GREB1L: variants seen among roughly 807,000 people sequenced by gnomAD.
GREB1L encodes GREB1-like protein.
In GREB1L, 17 loss-of-function variants were observed where a neutral mutation model predicts 200.8. That is an observed-to-expected ratio of 0.08 (90% CI 0.06 to 0.13). The LOEUF is 0.13. Among genes scored for constraint, GREB1L ranks in the 10% least tolerant of loss-of-function variants. The pLI is 1.00. For synonymous variants in GREB1L, 789 were observed against 893.0 expected (o/e 0.88, Z 2.08); for missense variants, 1,657 against 2,367.7 (o/e 0.70, Z 6.23).
chr18:21,492,566 C>G (rs1399973778), intron 19 of GREB1L, among the ~76,000 whole-genome samples: 3 of 152,082 alleles, frequency 2.0e-5, no homozygotes, highest in Non-Finnish European at 2.9e-5. Flanking sequence ...TCAGTCTGTC[C>G]TAAATAATTT....
intron 17 of GREB1L, among the ~76,000 whole-genome samples, chr18:21,481,439 A>ATG (rs34711292): frequency 0.1 from 12,838 of 126,846 alleles, 750 homozygotes; most frequent in Non-Finnish European, 0.14. Context: ...GTATATATGT[A>ATG]TGTGTGTGTG....
At chr18:21,328,005 C>T (rs1432473334) in intron 1 of GREB1L, among the ~76,000 whole-genome samples, 2 of 152,196 alleles carry the variant, frequency 1.3e-5, no homozygotes, top group African/African-American at 2.4e-5. Context: ...TGAGCCACAG[C>T]GCCCGGCCAA....
At chr18:21,507,969 T>C in intron 25 of GREB1L, 149 bp from the exon 26 acceptor site, 2 of 711,462 alleles carry the variant, frequency 2.8e-6, no homozygotes, top group Non-Finnish European at 4.6e-6. Context: ...TTATCAACCT[T>C]TTAGACGTGG....
intron 19 of GREB1L, among the ~76,000 whole-genome samples, chr18:21,493,896 C>T: frequency 4.1e-5 from 1 of 24,358 alleles, no homozygotes; most frequent in Non-Finnish European, 1.2e-4. Context: ...AAAAAAAAGT[C>T]CTCATACAGT....
chr18:21,444,119 G>A (rs1598849972), intron 10 of GREB1L, 105 bp from the exon 11 acceptor site: 1 of 709,110 alleles, frequency 1.4e-6, no homozygotes. Flanking sequence ...TATCTCAGAG[G>A]GCAGGGAATT....
intron 1 of GREB1L, among the ~76,000 whole-genome samples, chr18:21,346,817 T>TTC (rs2039353011): frequency 6.6e-6 from 1 of 152,118 alleles, no homozygotes; most frequent in Non-Finnish European, 1.5e-5. Flanking sequence ...TCCATCCTTG[T>TTC]TCTCTCTCTC....
At chr18:21,421,304 C>T (rs560175565) in intron 7 of GREB1L, among the ~76,000 whole-genome samples, 22 of 152,238 alleles carry the variant, frequency 1.4e-4, no homozygotes, top group Admixed American at 6.5e-4. Context: ...TTAAAATCAA[C>T]AGCATAAGAA....
chr18:21,259,153 A>G lies in GREB1L; in HGVS notation c.-120+16760A>G, dbSNP rs75667658. Among the ~76,000 whole-genome samples, 6 of 152,316 alleles carry G rather than the reference A, an allele frequency of 3.9e-5. No individual in the cohort carries two copies. The East Asian group carries it at 1.2e-3, about 29-fold the overall frequency. ...TATTGCAAACAGACACCATAATTCT[A>G]TCCTAGATTAAGGTTTGTTTAACCT... On this transcript the variant is annotated intron_variant, in intron 1 of 32. Coordinates refer to ENST00000424526, the MANE Select transcript of GREB1L (RefSeq NM_001142966.3).
Position 21,524,377 on chromosome 18 carries a change from A to G in GREB1L, c.*1556A>G, listed in dbSNP as rs756321296. 1 of 152,224 alleles carries G rather than the reference A, an allele frequency of 6.6e-6. No homozygotes were observed. The highest frequency in any genetic ancestry group is 2.4e-5 in the African/African-American group (1 of 41,466). The allele number at this position is 152,224 out of a possible 1,614,324, so 9.4% of individuals were successfully genotyped here. On this transcript the variant is annotated 3_prime_UTR_variant, in exon 33 of 33. Coordinates refer to ENST00000424526, the MANE Select transcript of GREB1L (RefSeq NM_001142966.3). ...AATGCTTTAACTGTATTTTGAAGTG[A>G]ACAATTCCTTTTAACCCCATTTTTA... is the stretch of plus-strand genomic sequence containing the variant.
At chr18:21,402,811 C>G (rs1420202600) in intron 6 of GREB1L, among the ~76,000 whole-genome samples, 2 of 152,124 alleles carry the variant, frequency 1.3e-5, no homozygotes, top group Admixed American at 6.6e-5. Flanking sequence ...GCATGAGCCA[C>G]TATGCCTGGC....
chr18:21,358,735 C>T (rs568944171), intron 1 of GREB1L, among the ~76,000 whole-genome samples: 8 of 152,112 alleles, frequency 5.3e-5, no homozygotes, highest in Non-Finnish European at 8.8e-5. Context: ...CATTGGGTAG[C>T]GTGTACACTG....
chr18:21,437,140 G>A (rs2033600203), intron 7 of GREB1L, among the ~76,000 whole-genome samples: 1 of 152,198 alleles, frequency 6.6e-6, no homozygotes, highest in South Asian at 2.1e-4. Flanking sequence ...TGTTGCCCAA[G>A]CTGGTTTCAA....
At position 21,516,707 on chromosome 18, in the gene GREB1L, G is replaced by T; in HGVS notation, c.5224G>T (p.Val1742Phe). Residue 1742 changes from valine to phenylalanine, a missense_variant, in exon 30 of 33, where the codon GTT (valine) becomes TTT (phenylalanine). Transcript: ENST00000424526. ...TAACTTCAGTCTCATGAAGAAACATGTTCAGGTTGGAGGGCAAAGGGACTT... is the reference window on the plus strand; with the variant it reads ...TAACTTCAGTCTCATGAAGAAACATTTTCAGGTTGGAGGGCAAAGGGACTT... ...FNNFSLMKKHVQVGGQRDFII... is the reference protein window; with the variant it reads ...FNNFSLMKKHFQVGGQRDFII... 6.4e-7 allele frequency: 1 copy of T among 1,551,518 alleles called. No individual in the cohort carries two copies. Among genetic ancestry groups the T allele is most frequent in the Non-Finnish European group, 8.7e-7 (1 of 1,146,870 alleles).
chr18:21,512,728 G>A (rs184912944), intron 27 of GREB1L, among the ~76,000 whole-genome samples: 6 of 151,936 alleles, frequency 3.9e-5, no homozygotes, highest in Admixed American at 3.9e-4. Context: ...TCCTTGTCTT[G>A]TTCATGATCT....
At chr18:21,432,085 G>A (rs1296944017) in intron 7 of GREB1L, among the ~76,000 whole-genome samples, 1 of 151,758 alleles carries the variant, frequency 6.6e-6, no homozygotes, top group Non-Finnish European at 1.5e-5. Flanking sequence ...ACCGCGTCCG[G>A]CTAATTTTTT....
intron 1 of GREB1L, among the ~76,000 whole-genome samples, chr18:21,265,821 G>A (rs1452476651): frequency 2.0e-5 from 3 of 151,934 alleles, no homozygotes; most frequent in Non-Finnish European, 4.4e-5. Flanking sequence ...AGCAATGACT[G>A]TAATATTGAA....
chr18:21,434,716 T>C (rs2033429024), intron 7 of GREB1L, among the ~76,000 whole-genome samples: 1 of 151,936 alleles, frequency 6.6e-6, no homozygotes, highest in Admixed American at 6.6e-5. Context: ...AATTAATATA[T>C]TTAAAGTGCT....
At chr18:21,500,664 T>C in intron 23 of GREB1L, 22 bp downstream of exon 23, 2 of 1,465,294 alleles carry the variant, frequency 1.4e-6, no homozygotes, top group South Asian at 1.3e-5. Flanking sequence ...GCCCAGGGAG[T>C]GGGCAGAGGG....
At chr18:21,446,664 T>G (rs1173557301) in intron 11 of GREB1L, among the ~76,000 whole-genome samples, 1 of 152,164 alleles carries the variant, frequency 6.6e-6, no homozygotes, top group Non-Finnish European at 1.5e-5. Context: ...ATTATTTATT[T>G]ATTTCTTTAT....
Sources: gnomAD v4.1 joint callset for allele counts (sites outside exome capture counted in the v4.1 genomes callset) on GRCh38, gnomAD v4.1.1 for gene constraint, MANE v1.5 for transcripts, NCBI Gene and HGNC (gene_info 2026-07-23, HGNC 2026-07-21) for gene names.